The following PARP4 variants were observed in gnomAD, a reference collection of about 807,000 sequenced individuals.
PARP4 encodes poly(ADP-ribose) polymerase family member 4.
PARP4 carries 120 observed loss-of-function variants against 187.7 expected under a neutral mutation model. The observed-to-expected ratio is 0.64, with a 90% confidence interval of 0.55 to 0.74. The LOEUF is 0.74. PARP4 is among the 30% of genes least tolerant of loss of function. The pLI is 0.00. For synonymous variants in PARP4, 654 were observed against 740.9 expected, an observed-to-expected ratio of 0.88 and a Z score of 1.90; for missense variants, 1,836 against 2,070.5, an observed-to-expected ratio of 0.89 and a Z score of 2.20.
At chr13:24,455,812 G>A (rs903790441) in intron 21 of PARP4, among the ~76,000 whole-genome samples, 38 of 151,488 alleles carry the variant, frequency 2.5e-4, no homozygotes, top group African/African-American at 9.0e-4. Flanking sequence ...TTACAGAGAC[G>A]AGGTCTCACT....
chr13:24,437,392 A>C (rs9581037), intron 30 of PARP4, among the ~76,000 whole-genome samples: 2,360 of 152,312 alleles, frequency 0.015, 68 homozygotes, highest in African/African-American at 0.054. Context: ...CTGCATTAAA[A>C]AATCTGCATG....
In PARP4 at chr13:24,469,943, G is replaced by A. The variant is rs1872660930; in HGVS notation, c.1997C>T (p.Ala666Val). 1.2e-6 allele frequency: 2 copies of A among 1,613,826 alleles called. No homozygotes were observed. Among genetic ancestry groups the A allele is most frequent in the Non-Finnish European group, 1.7e-6 (2 of 1,179,816 alleles). ...GATGAAGGCTTCGAAGCCACACACA[G>A]CGGCCTTGTCATCCAAAGGAAAGAT... ...KYIFPLDDKAAVCGFEAFING... is the reference protein window; with the variant it reads ...KYIFPLDDKAVVCGFEAFING... Residue 666 changes from alanine (A) to valine (V), a missense_variant, in exon 16 of 34, where the codon GCT becomes GTT. By Grantham distance (64) the Ala-to-Val change is moderately conservative. This residue lies in a region of PARP4 where 1,147 missense variants were observed against 1,214.2 expected (regional missense o/e 0.94). Coordinates refer to ENST00000381989, the MANE Select transcript of PARP4 (RefSeq NM_006437.4).
At chr13:24,498,587 G>T (rs151150546) in intron 5 of PARP4, among the ~76,000 whole-genome samples, 1 of 151,922 alleles carries the variant, frequency 6.6e-6, no homozygotes, top group Non-Finnish European at 1.5e-5. Flanking sequence ...GGCTAGTGTC[G>T]ATTTATATCT....
intron 33 of PARP4, among the ~76,000 whole-genome samples, chr13:24,425,284 G>C (rs376242442): frequency 9.2e-5 from 14 of 152,234 alleles, no homozygotes; most frequent in African/African-American, 3.4e-4. Context: ...CTGGGCGATA[G>C]AGCCAGACTT....
chr13:24,459,407 C>A, intron 18 of PARP4, 97 bp from the exon 19 acceptor site: 1 of 1,141,958 alleles, frequency 8.8e-7, no homozygotes, highest in Non-Finnish European at 1.2e-6. Flanking sequence ...CAACTGTCAG[C>A]AAGACAGCTG....
At chr13:24,495,273 G>C (rs1868883443) in intron 6 of PARP4, among the ~76,000 whole-genome samples, 2 of 152,074 alleles carry the variant, frequency 1.3e-5, no homozygotes. Flanking sequence ...TGTTTCACTG[G>C]AGAGTTACTC....
chr13:24,502,369 C>T (rs1869348348), intron 2 of PARP4, among the ~76,000 whole-genome samples: 1 of 152,196 alleles, frequency 6.6e-6, no homozygotes, highest in Admixed American at 6.6e-5. Flanking sequence ...AGTAAATTCA[C>T]ATTGTAGAAT....
chr13:24,454,346 T>C (rs755066419), intron 22 of PARP4, among the ~76,000 whole-genome samples: 2 of 152,150 alleles, frequency 1.3e-5, no homozygotes, highest in Non-Finnish European at 2.9e-5. Context: ...ACTGTACCTC[T>C]GGGGAAAAGG....
At chr13:24,443,093 G>A (rs1353994577) in intron 28 of PARP4, among the ~76,000 whole-genome samples, 1 of 150,870 alleles carries the variant, frequency 6.6e-6, no homozygotes, top group African/African-American at 2.4e-5. Context: ...CTGACTGTGA[G>A]GGTCTCCAGG....
At position 24,450,141 on chromosome 13, in the gene PARP4, T is replaced by C. The variant is rs183973830; in HGVS notation, c.3015-324A>G. On this transcript the variant is annotated intron_variant, in intron 24 of 33. Transcript: ENST00000381989. ...AGGTATCAGAATGCTGACAAAGATA[T>C]CAACTTAATTTCCATAAATAACAAT... 2.0e-4 allele frequency among the ~76,000 whole-genome samples: 30 copies of C among 152,174 alleles called. No individual in the cohort carries two copies. In the East Asian group the frequency reaches 5.4e-3, roughly 27 times the overall value.
At chr13:24,492,821 C>T (rs41478850) in intron 8 of PARP4, among the ~76,000 whole-genome samples, 3,817 of 152,268 alleles carry the variant, frequency 0.025, 87 homozygotes, top group African/African-American at 0.068. Flanking sequence ...GAAGAAAGAA[C>T]CAGAGTCTTA....
At chr13:24,454,288 C>T (rs977469096) in intron 22 of PARP4, among the ~76,000 whole-genome samples, 20 of 152,230 alleles carry the variant, frequency 1.3e-4, no homozygotes, top group Non-Finnish European at 2.2e-4. Context: ...TCTGCTCACG[C>T]CCTTTGCACT....
intron 33 of PARP4, among the ~76,000 whole-genome samples, chr13:24,425,563 GTGTGTGTA>G (rs1276726453): frequency 1.9e-5 from 2 of 106,878 alleles, no homozygotes; most frequent in African/African-American, 7.8e-5. Flanking sequence ...GTGTGTGTGT[GTGTGTGTA>G]TATCTATATC....
At position 24,449,947 on chromosome 13, in the gene PARP4, G is replaced by A. The variant is rs1377264981; in HGVS notation, c.3015-130C>T. The A allele has an allele frequency of 1.9e-5, 10 of 523,324 alleles. No individual in the cohort carries two copies. The East Asian group carries it at 2.0e-4, about 10-fold the overall frequency. 32.4% of individuals were successfully genotyped at this position (523,324 alleles called of 1,614,324 possible). ...GTGGGGAAGAATGTACTCGTGTGTC[G>A]CTGAGGTTAAACAGAGAAAGTGATA... On this transcript the variant is annotated intron_variant, in intron 24 of 33. Transcript: ENST00000381989.
intron 14 of PARP4, among the ~76,000 whole-genome samples, chr13:24,476,436 C>T (rs758947906): frequency 2.0e-5 from 3 of 152,086 alleles, no homozygotes; most frequent in African/African-American, 4.8e-5. Flanking sequence ...TGGAAGGGCT[C>T]GGTCACTATT....
intron 6 of PARP4, among the ~76,000 whole-genome samples, chr13:24,496,036 C>T (rs932585771): frequency 6.6e-6 from 1 of 151,694 alleles, no homozygotes; most frequent in Non-Finnish European, 1.5e-5. Context: ...CTGGCCTACA[C>T]GATGCTACGG....
At chr13:24,467,680 T>C (rs757719080) in intron 17 of PARP4, among the ~76,000 whole-genome samples, 4 of 152,226 alleles carry the variant, frequency 2.6e-5, no homozygotes, top group Non-Finnish European at 5.9e-5. Context: ...TGTCAATACA[T>C]TCTGGGAGAC....
intron 12 of PARP4, among the ~76,000 whole-genome samples, chr13:24,482,660 T>C (rs531151628): frequency 2.0e-5 from 3 of 152,360 alleles, no homozygotes; most frequent in African/African-American, 7.2e-5. Context: ...TACATTGTTT[T>C]TTTTTTAAAC....
Position 24,459,958 on chromosome 13 carries a change from T to C in PARP4, c.2298+14A>G, listed in dbSNP as rs759395749. ...TGCTGCCAAAATGCTTCTTCAAATC[T>C]TATGCGTACAAACCTGAAGGTTTTC... On this transcript the variant is annotated intron_variant, in intron 18 of 33. Coordinates refer to ENST00000381989, the MANE Select transcript of PARP4 (RefSeq NM_006437.4). 6.2e-7 allele frequency: 1 copy of C among 1,608,596 alleles called. No individual in the cohort carries two copies. Among genetic ancestry groups the C allele is most frequent in the Non-Finnish European group, 8.5e-7 (1 of 1,177,380 alleles).
Sources: allele counts gnomAD v4.1 joint callset (sites outside exome capture counted in the v4.1 genomes callset), GRCh38; gene constraint gnomAD v4.1.1; regional missense constraint gnomAD v4.1.1; transcripts MANE v1.5; gene names NCBI Gene and HGNC (gene_info 2026-07-23, HGNC 2026-07-21).